NTRK2: variants seen among roughly 807,000 people sequenced by gnomAD.
The protein encoded by NTRK2 is BDNF/NT-3 growth factors receptor.
Under a neutral mutation model 94.5 loss-of-function variants are expected in NTRK2, and 13 were observed. The ratio of observed to expected loss-of-function variants is 0.14; its 90% CI spans 0.09 to 0.22. The LOEUF (loss-of-function observed/expected upper bound fraction) is 0.22. Among genes scored for constraint, NTRK2 ranks in the 10% least tolerant of loss-of-function variants. The pLI is 1.00. For synonymous variants in NTRK2, 372 were observed against 407.4 expected (o/e 0.91, Z 1.05); for missense variants, 639 against 1,071.2 (o/e 0.60, Z 5.63).
intron 12 of NTRK2, chr9:84,812,077 T>C (rs1246072268): frequency 1.5e-5 from 16 of 1,060,244 alleles, no homozygotes; most frequent in Non-Finnish European, 1.7e-5. Flanking sequence ...TTGGAAATAG[T>C]TGCACAAATG....
intron 12 of NTRK2, among the ~76,000 whole-genome samples, chr9:84,793,511 A>G (rs888678524): frequency 6.6e-6 from 1 of 152,096 alleles, no homozygotes; most frequent in Non-Finnish European, 1.5e-5. Flanking sequence ...AATCTTCCCA[A>G]CCGAGTCCCA....
At chr9:84,817,687 C>T (rs571278358) in intron 12 of NTRK2, among the ~76,000 whole-genome samples, 29 of 152,280 alleles carry the variant, frequency 1.9e-4, no homozygotes, top group African/African-American at 6.7e-4. Context: ...ATGTAAGTAA[C>T]AACTTAGCCA....
intron 11 of NTRK2, among the ~76,000 whole-genome samples, chr9:84,751,624 A>G (rs1331813672): frequency 2.0e-5 from 3 of 152,074 alleles, no homozygotes; most frequent in Non-Finnish European, 4.4e-5. Context: ...TTTGCTGTTC[A>G]TATTTCATAT....
Position 84,750,808 on chromosome 9 carries a change from GAC to G in NTRK2, c.1297-1174_1297-1173del, listed in dbSNP as rs780295824. On this transcript the variant is annotated intron_variant, in intron 11 of 18. Transcript: ENST00000277120. ...TTTGGGCTGAGTAAGACTGGAAGGA[GAC>G]ACATAGTGCCGCTGACAACTTTGCT... Among the ~76,000 whole-genome samples the G allele has an allele frequency of 4.6e-5, 7 of 152,210 alleles. No individual in the cohort carries two copies. The South Asian group carries it at 8.3e-4, about 18-fold the overall frequency.
chr9:84,689,060 A>G (rs1185251657), intron 2 of NTRK2, among the ~76,000 whole-genome samples: 2 of 152,278 alleles, frequency 1.3e-5, no homozygotes, highest in Non-Finnish European at 2.9e-5. Context: ...TGATGCATGT[A>G]GAATGCTTAT....
intron 17 of NTRK2, among the ~76,000 whole-genome samples, chr9:84,959,463 A>T (rs571758264): frequency 1.3e-5 from 2 of 152,190 alleles, no homozygotes; most frequent in Non-Finnish European, 2.9e-5. Flanking sequence ...GCCTTGAGGG[A>T]TAGCCATGTC....
At chr9:84,864,449 A>G (rs1300953298) in intron 13 of NTRK2, among the ~76,000 whole-genome samples, 1 of 152,204 alleles carries the variant, frequency 6.6e-6, no homozygotes, top group Non-Finnish European at 1.5e-5. Flanking sequence ...AAACCACTAA[A>G]GAACATATTC....
At chr9:84,832,721 C>T (rs1264322929) in intron 12 of NTRK2, among the ~76,000 whole-genome samples, 1 of 152,168 alleles carries the variant, frequency 6.6e-6, no homozygotes, top group Non-Finnish European at 1.5e-5. Flanking sequence ...GAGGACCTGC[C>T]TTCTCCTTCA....
intron 14 of NTRK2, among the ~76,000 whole-genome samples, chr9:84,885,099 A>G (rs1010751779): frequency 6.6e-6 from 1 of 152,234 alleles, no homozygotes; most frequent in African/African-American, 2.4e-5. Context: ...CCAGTCTGAA[A>G]TATGTCTCCA....
intron 14 of NTRK2, among the ~76,000 whole-genome samples, chr9:84,928,491 T>C (rs372047295): frequency 5.3e-5 from 8 of 152,356 alleles, no homozygotes; most frequent in African/African-American, 1.9e-4. Context: ...ATCAACTAAA[T>C]GAAATACCTG....
intron 12 of NTRK2, among the ~76,000 whole-genome samples, chr9:84,785,204 G>C (rs937054718): frequency 6.6e-6 from 1 of 152,154 alleles, no homozygotes; most frequent in African/African-American, 2.4e-5. Context: ...TTAAAGGATT[G>C]TTCCTCACTC....
At chr9:84,706,447 C>A (rs1313354559) in intron 4 of NTRK2, among the ~76,000 whole-genome samples, 3 of 151,598 alleles carry the variant, frequency 2.0e-5, no homozygotes, top group Non-Finnish European at 4.4e-5. Flanking sequence ...CTTCCTTGGG[C>A]TGACGGCAAA....
upstream of NTRK2, among the ~76,000 whole-genome samples, chr9:84,669,007 G>C (rs2058534875): frequency 6.6e-6 from 1 of 152,062 alleles, no homozygotes; most frequent in Non-Finnish European, 1.5e-5. This position sits in a 1 kb window ranked among gnomAD's most constrained non-coding sequence, Gnocchi z 4.1. Flanking sequence ...GGCGTGTGAT[G>C]GCAGAAAACG....
chr9:84,928,793 CGA>C (rs1372116291), intron 14 of NTRK2, among the ~76,000 whole-genome samples: 1 of 152,098 alleles, frequency 6.6e-6, no homozygotes, highest in Non-Finnish European at 1.5e-5. Context: ...ACAGGGAAAC[CGA>C]GAGAGAGAAT....
chr9:84,722,202 G>A (rs1026960154), intron 6 of NTRK2, among the ~76,000 whole-genome samples: 1 of 109,796 alleles, frequency 9.1e-6, no homozygotes, highest in East Asian at 3.1e-4. Context: ...CATGAAAGAT[G>A]TAACATTGGT....
chr9:84,971,311 C>A (rs995650159), intron 17 of NTRK2, among the ~76,000 whole-genome samples: 2 of 152,090 alleles, frequency 1.3e-5, no homozygotes, highest in Non-Finnish European at 2.9e-5. Context: ...CCTAATGATC[C>A]CCCTAGAGAG....
At chr9:84,858,967 T>C (rs1184869503) in intron 12 of NTRK2, among the ~76,000 whole-genome samples, 1 of 152,194 alleles carries the variant, frequency 6.6e-6, no homozygotes, top group Non-Finnish European at 1.5e-5. Context: ...TCAGCCTCCC[T>C]GAATCTCAGT....
At chr9:84,706,660 G>GT (rs1363158438) in intron 4 of NTRK2, among the ~76,000 whole-genome samples, 12 of 151,556 alleles carry the variant, frequency 7.9e-5, no homozygotes, top group Non-Finnish European at 1.3e-4. Flanking sequence ...CTCCCCAGTA[G>GT]TTGGGACTAC....
chr9:84,674,731 A>C (rs1190753466), intron 2 of NTRK2, among the ~76,000 whole-genome samples: 1 of 152,192 alleles, frequency 6.6e-6, no homozygotes, highest in Non-Finnish European at 1.5e-5. Flanking sequence ...TGCTGTCTTC[A>C]TAGTGTAGGT....
Sources: allele counts gnomAD v4.1 joint callset (sites outside exome capture counted in the v4.1 genomes callset), GRCh38; gene constraint gnomAD v4.1.1; non-coding constraint Gnocchi (gnomAD v3.1); transcripts MANE v1.5; gene names NCBI Gene and HGNC (gene_info 2026-07-23, HGNC 2026-07-21).